Variants in GAK observed in about 807,000 individuals in gnomAD.
GAK encodes the protein cyclin-G-associated kinase.
GAK carries 79 observed loss-of-function variants against 143.9 expected under a neutral mutation model. The observed-to-expected ratio is 0.55, with a 90% CI of 0.46 to 0.66. GAK has a LOEUF of 0.66. Ranked by LOEUF, GAK falls within the 30% of genes least tolerant of loss-of-function variation. The pLI is 0.00. For synonymous variants in GAK, 881 were observed against 765.5 expected (o/e 1.15, Z -2.49); for missense variants, 1,693 against 1,779.7 (o/e 0.95, Z 0.88).
At chr4:912,909 G>C (rs1722292523) in intron 2 of GAK, 115 bp from the exon 3 acceptor site, 2 of 745,074 alleles carry the variant, frequency 2.7e-6, no homozygotes, top group Non-Finnish European at 4.3e-6. Flanking sequence ...GTCTAATACA[G>C]CTCCCCCCGT....
At chr4:859,409 G>A (rs751111596) in intron 24 of GAK, 197 bp downstream of exon 24, 5 of 1,531,668 alleles carry the variant, frequency 3.3e-6, no homozygotes, top group South Asian at 2.3e-5. Flanking sequence ...AGCAACTCCC[G>A]GTTTTAGCTT....
At chr4:863,919 A>T (rs570150656) in intron 23 of GAK, among the ~76,000 whole-genome samples, 1 of 152,202 alleles carries the variant, frequency 6.6e-6, no homozygotes, top group Non-Finnish European at 1.5e-5. Flanking sequence ...GCTACTCAGG[A>T]GGCTGAGGCA....
chr4:883,501 C>T lies in GAK; in HGVS notation c.1256-38G>A, dbSNP rs376139504. ...GACCTGCGTCAGCACCTGGGAGATG[C>T]GCACCTCGTGGCCAGGCTGCTGCTG... On this transcript the variant is annotated intron_variant, in intron 12 of 27. Transcript: ENST00000314167. 2.2e-4 allele frequency: 355 copies of T among 1,606,840 alleles called. 1 individual carries two copies. Among genetic ancestry groups the T allele is most frequent in the East Asian group, 2.1e-3 (95 of 44,810 alleles).
In GAK at chr4:870,747, T is replaced by C. The variant is rs1343556608; in HGVS notation, c.2212A>G (p.Ser738Gly). The C allele has an allele frequency of 1.2e-6, 2 of 1,613,972 alleles. No individual in the cohort carries two copies. The highest frequency in any genetic ancestry group is 1.7e-5 in the Admixed American group (1 of 59,972). The change falls in exon 19 of 28, where the codon AGC becomes GGC. Residue 738 changes from serine to glycine, a missense_variant. Physicochemically the swap from Ser to Gly is moderately conservative, Grantham distance 56. Coordinates refer to ENST00000314167, the MANE Select transcript of GAK (RefSeq NM_005255.4). Reference protein sequence around the residue: ...RGLNPKILFSSREEQQDILSK... With the variant: ...RGLNPKILFSGREEQQDILSK... ...AGAATGTCTTGCTGCTCCTCCCGGC[T>C]GGAAAACAGGATTTTGGGGTTCAGC...
chr4:875,427 C>T (rs1199522088), intron 18 of GAK, among the ~76,000 whole-genome samples: 2 of 152,254 alleles, frequency 1.3e-5, no homozygotes, highest in African/African-American at 4.8e-5. Flanking sequence ...CAGCAGCAGG[C>T]GCCAGCTCTT....
intron 6 of GAK, among the ~76,000 whole-genome samples, chr4:897,078 GGAGA>G (rs1385692944): frequency 6.6e-6 from 1 of 152,348 alleles, no homozygotes; most frequent in Admixed American, 6.5e-5. Flanking sequence ...AGAGCTGTGA[GGAGA>G]GAGTGAATCT....
chr4:883,712 C>G (rs1275460108), intron 12 of GAK, among the ~76,000 whole-genome samples: 1 of 152,256 alleles, frequency 6.6e-6, no homozygotes, highest in Non-Finnish European at 1.5e-5. Flanking sequence ...CTGACACCTG[C>G]CCTGTCTCCA....
In GAK at chr4:877,802, C is replaced by T. The variant is rs532768885; in HGVS notation, c.1669G>A (p.Glu557Lys). The change falls in exon 16 of 28, where the codon GAG (glutamate) becomes AAG (lysine). Residue 557 changes from glutamate to lysine, a missense_variant. Glu to Lys is a moderately conservative substitution (Grantham distance 56). Coordinates refer to ENST00000314167, the MANE Select transcript of GAK (RefSeq NM_005255.4). Reference protein sequence around the residue: ...GIWPSHKRYIEYMCDMVAEEP... With the variant: ...GIWPSHKRYIKYMCDMVAEEP... Reference sequence around the variant, plus strand: ...TCCGCCACCATGTCACACATGTACTCGATGTACCTGGGGGCAGACGTGCCG... The same window carrying T: ...TCCGCCACCATGTCACACATGTACTTGATGTACCTGGGGGCAGACGTGCCG... 3.1e-6 allele frequency: 5 copies of T among 1,595,410 alleles called. No homozygotes were observed. Among genetic ancestry groups the T allele is most frequent in the Admixed American group, 1.8e-5 (1 of 57,098 alleles).
At chr4:913,797 A>G (rs1351543541) in intron 1 of GAK, 129 bp from the exon 2 acceptor site, 1 of 748,656 alleles carries the variant, frequency 1.3e-6, no homozygotes, top group Non-Finnish European at 2.3e-6. Flanking sequence ...ACAAAACATA[A>G]TGGCCCCAGC....
chr4:903,607 G>A (rs948523110), intron 5 of GAK, among the ~76,000 whole-genome samples: 4 of 149,896 alleles, frequency 2.7e-5, no homozygotes, highest in African/African-American at 7.5e-5. Context: ...AGCGTGGGAT[G>A]AGCAGGAATG....
intron 19 of GAK, 131 bp from the exon 20 acceptor site, chr4:868,816 C>T (rs1711643638): frequency 1.1e-6 from 1 of 884,074 alleles, no homozygotes; most frequent in East Asian, 2.7e-5. Flanking sequence ...GTAAAGCAGA[C>T]CAATGACATG....
chr4:917,072 C>T (rs557159500), intron 1 of GAK, among the ~76,000 whole-genome samples: 15 of 151,846 alleles, frequency 9.9e-5, no homozygotes, highest in African/African-American at 2.7e-4. Flanking sequence ...AGATGCCAGG[C>T]GAAAAAAGAG....
chr4:852,990 C>T (rs1748448634), intron 24 of GAK: 2 of 152,082 alleles, frequency 1.3e-5, no homozygotes, highest in Non-Finnish European at 2.9e-5. Flanking sequence ...GACCTGAATG[C>T]TTCACTACAG....
chr4:882,898 C>A, intron 13 of GAK, 79 bp from the exon 14 acceptor site: 1 of 1,560,808 alleles, frequency 6.4e-7, no homozygotes, highest in Non-Finnish European at 8.7e-7. Flanking sequence ...GACAGCCTGC[C>A]TGCAGTGCGG....
chr4:893,484 T>G lies in GAK; in HGVS notation c.883A>C (p.Met295Leu). 6.4e-7 allele frequency: 1 copy of G among 1,568,898 alleles called. No individual in the cohort carries two copies. Among genetic ancestry groups the G allele is most frequent in the Non-Finnish European group, 8.6e-7 (1 of 1,160,132 alleles). ...CGCTCCTCCGGGTTCACCTGCAGCA[T>G]GGCGCCTGCAGCAGAAGCACAGCGC... The part of the protein sequence containing the change: ...YTVFHSLIRA[M>L]LQVNPEERLS... The change falls in exon 9 of 28, where the codon ATG (methionine) becomes CTG (leucine). Residue 295 changes from methionine to leucine, a missense_variant. Transcript: ENST00000314167.
chr4:849,833 G>GGGGGGGGGGCCCCCCC, intron 27 of GAK, 59 bp from the exon 28 acceptor site: 2 of 1,190,152 alleles, frequency 1.7e-6, no homozygotes, highest in Non-Finnish European at 2.3e-6. Context: ...GGCGGGGCAG[G>GGGGGGGGGGCCCCCCC]ACCCCCCCCC....
At chr4:907,240 C>T (rs1296530896) in intron 4 of GAK, among the ~76,000 whole-genome samples, 1 of 152,218 alleles carries the variant, frequency 6.6e-6, no homozygotes, top group African/African-American at 2.4e-5. Flanking sequence ...CCCCCACCTG[C>T]ACCCAGCTGA....
Position 851,766 on chromosome 4 carries a change from G to T in GAK, c.3492C>A (p.Val1164=), listed in dbSNP as rs1243589309. The T allele has an allele frequency of 1.2e-6, 2 of 1,613,252 alleles. No homozygotes were observed. The highest frequency in any genetic ancestry group is 1.1e-5 in the South Asian group (1 of 91,044). The change falls in exon 25 of 28, where the codon GTC becomes GTA. Residue 1164 remains valine (V), a synonymous_variant. Coordinates refer to ENST00000314167, the MANE Select transcript of GAK (RefSeq NM_005255.4). ...GGGACTCACCAAAGCTGGGTGCGCG[G>T]ACCCCCCGCTCCTCCCGCGCCCCGA... ...SVIGAREERG[V]RAPSFAQKPK... is the part of the protein sequence containing the mutation.
chr4:885,768 T>C (rs1716210510), intron 11 of GAK: 1 of 151,890 alleles, frequency 6.6e-6, no homozygotes, highest in South Asian at 2.1e-4. Context: ...TGTCCTTTTT[T>C]TTTTTTCATT....
Sources: gnomAD v4.1 joint callset for allele counts (sites outside exome capture counted in the v4.1 genomes callset) on GRCh38, gnomAD v4.1.1 for gene constraint, MANE v1.5 for transcripts, NCBI Gene and HGNC (gene_info 2026-07-23, HGNC 2026-07-21) for gene names.